VTI1B: variants seen among roughly 807,000 people sequenced by gnomAD.
VTI1B encodes the protein vesicle transport through interaction with t-SNAREs homolog 1B.
In VTI1B, 18 loss-of-function variants were observed where a neutral mutation model predicts 28.6. That is an observed-to-expected ratio of 0.63 (90% confidence interval 0.43 to 0.93). VTI1B has a LOEUF of 0.93. VTI1B is among the 40% of genes least tolerant of loss of function. The pLI is 0.00. For missense variants in VTI1B, 283 were observed against 297.0 expected, an observed-to-expected ratio of 0.95 and a Z score of 0.35; for synonymous variants, 100 against 107.9, an observed-to-expected ratio of 0.93 and a Z score of 0.46.
chr14:67,662,333 C>A, intron 2 of VTI1B, 144 bp downstream of exon 2: 1 of 718,568 alleles, frequency 1.4e-6, no homozygotes, highest in Non-Finnish European at 2.3e-6. Flanking sequence ...AACAACCATC[C>A]CCATCAACTG....
chr14:67,659,397 G>T (rs1251734582), intron 3 of VTI1B, among the ~76,000 whole-genome samples: 1 of 151,578 alleles, frequency 6.6e-6, no homozygotes, highest in Admixed American at 6.6e-5. Flanking sequence ...AAGGAGAAAA[G>T]AAATTAGATC....
Position 67,647,597 on chromosome 14 carries a change from G to C in VTI1B, c.*3788C>G, listed in dbSNP as rs2037117015. 1.3e-5 allele frequency: 2 copies of C among 155,942 alleles called. No individual in the cohort carries two copies. The highest frequency in any genetic ancestry group is 4.0e-4 in the South Asian group (2 of 4,974). 9.7% of individuals were successfully genotyped at this position (155,942 alleles called of 1,614,324 possible). On this transcript the variant is annotated 3_prime_UTR_variant, in exon 6 of 6. Transcript: ENST00000554659. ...TTAAAACTGCAGACCTAAAATTAGA[G>C]TTCACTTCAGCTGCTGTTACGTTCA... is the stretch of plus-strand genomic sequence containing the variant.
Position 67,667,596 on chromosome 14 carries a change from G to C in VTI1B, c.116-5061C>G, listed in dbSNP as rs147492789. ...ATAAATAGAAACCACCATTGTTTCT[G>C]AAAGTAAATACTTAGGAAGAACCTA... On this transcript the variant is annotated intron_variant, in intron 1 of 5. Transcript: ENST00000554659. 6.9e-3 allele frequency among the ~76,000 whole-genome samples: 1,055 copies of C among 152,318 alleles called. 10 individuals are homozygous for C. Among genetic ancestry groups the C allele is most frequent in the African/African-American group, 0.023 (962 of 41,556 alleles).
rs945964003 is a variant in VTI1B, at chr14:67,674,495, A to G, written c.-6T>C. ...GAGGCGGCGGAGGAGGCCATGGCGCAGGCCGCGCTGGAGCAGCGGCCACCG... is the reference window on the plus strand; with the variant it reads ...GAGGCGGCGGAGGAGGCCATGGCGCGGGCCGCGCTGGAGCAGCGGCCACCG... On this transcript the variant is annotated 5_prime_UTR_variant, in exon 1 of 6. Coordinates refer to ENST00000554659, the MANE Select transcript of VTI1B (RefSeq NM_006370.3). 7.5e-6 allele frequency: 12 copies of G among 1,596,316 alleles called. No individual in the cohort carries two copies. In the Admixed American group the frequency reaches 1.0e-4, roughly 14 times the overall value.
rs1043222256 is a variant in VTI1B, at chr14:67,647,832, T to C, written c.*3553A>G. On this transcript the variant is annotated 3_prime_UTR_variant, in exon 6 of 6. Coordinates refer to ENST00000554659, the MANE Select transcript of VTI1B (RefSeq NM_006370.3). ...GTCTGTCTGAGGTATGCAGAACAAA[T>C]GGCAGTATCATGAAGTGGTATGTAG... 9 of 563,104 alleles carry C rather than the reference T, an allele frequency of 1.6e-5. No individual in the cohort carries two copies. The highest frequency in any genetic ancestry group is 5.6e-5 in the African/African-American group (3 of 53,234). 34.9% of individuals were successfully genotyped at this position (563,104 alleles called of 1,614,324 possible). A position where few individuals can be genotyped will look rare whatever the true frequency, so the allele number is the denominator to read the frequency against.
At chr14:67,656,647 C>A (rs1566811904) in intron 3 of VTI1B, 58 bp from the exon 4 acceptor site, 1 of 1,525,040 alleles carries the variant, frequency 6.6e-7, no homozygotes, top group South Asian at 1.3e-5. Flanking sequence ...TCATTGCCAG[C>A]ATATTCCTCA....
rs564495908 is a variant in VTI1B, at chr14:67,674,515, C to T, written c.-26G>A. The T allele has an allele frequency of 3.7e-4, 578 of 1,573,486 alleles. 6 individuals are homozygous for T. In the South Asian group the frequency reaches 6.1e-3, roughly 17 times the overall value. On this transcript the variant is annotated 5_prime_UTR_variant, in exon 1 of 6. Transcript: ENST00000554659. ...GGCGCAGGCCGCGCTGGAGCAGCGG[C>T]CACCGAGATTCGGGGCCCTGGGCCC...
chr14:67,659,882 G>T lies in VTI1B; in HGVS notation c.215C>A (p.Ser72Tyr), dbSNP rs1412979531. ...MEEELRYAPL[S>Y]FRNPMMSKLR... ...CTTAGACATCATGGGGTTTCGGAAA[G>T]ACAGGGGTGCATAACGTAGCTCCTC... is the stretch of plus-strand genomic sequence containing the variant. Residue 72 changes from serine to tyrosine, a missense_variant, in exon 3 of 6, where the codon TCT becomes TAT. Physicochemically the swap from Ser to Tyr is moderately radical, Grantham distance 144. Coordinates refer to ENST00000554659, the MANE Select transcript of VTI1B (RefSeq NM_006370.3). 1.9e-6 allele frequency: 3 copies of T among 1,614,078 alleles called. No individual in the cohort carries two copies. The highest frequency in any genetic ancestry group is 2.7e-5 in the African/African-American group (2 of 74,928).
intron 5 of VTI1B, among the ~76,000 whole-genome samples, chr14:67,651,958 A>G (rs1384136484): frequency 2.0e-5 from 3 of 152,148 alleles, no homozygotes; most frequent in Non-Finnish European, 4.4e-5. Context: ...GGAGCTTAAA[A>G]ATTTTCCTAT....
chr14:67,659,882 G>C lies in VTI1B; in HGVS notation c.215C>G (p.Ser72Cys), dbSNP rs1412979531. 2 of 1,614,078 alleles carry C rather than the reference G, an allele frequency of 1.2e-6. No homozygotes were observed. Among genetic ancestry groups the C allele is most frequent in the African/African-American group, 1.3e-5 (1 of 74,928 alleles). ...CTTAGACATCATGGGGTTTCGGAAA[G>C]ACAGGGGTGCATAACGTAGCTCCTC... ...MEEELRYAPL[S>C]FRNPMMSKLR... The change falls in exon 3 of 6, where the codon TCT (serine) becomes TGT (cysteine). Residue 72 changes from serine (S) to cysteine (C), a missense_variant. Coordinates refer to ENST00000554659, the MANE Select transcript of VTI1B (RefSeq NM_006370.3).
chr14:67,661,913 T>C (rs2140828247), intron 2 of VTI1B, among the ~76,000 whole-genome samples: 1 of 151,988 alleles, frequency 6.6e-6, no homozygotes, highest in Non-Finnish European at 1.5e-5. Flanking sequence ...TCCCTGTACT[T>C]TGGGAGGCCG....
chr14:67,662,045 A>G (rs1645788729), intron 2 of VTI1B, among the ~76,000 whole-genome samples: 1 of 152,042 alleles, frequency 6.6e-6, no homozygotes, highest in African/African-American at 2.4e-5. Flanking sequence ...ATTCCCAGCT[A>G]CTTGGGAGGC....
chr14:67,659,973 T>C lies in VTI1B; in HGVS notation c.175-51A>G, dbSNP rs142914396. 1,446 of 1,555,390 alleles carry C rather than the reference T, an allele frequency of 9.3e-4. 18 individuals carry two copies. The African/African-American group carries it at 0.017, about 19-fold the overall frequency. On this transcript the variant is annotated intron_variant, in intron 2 of 5. Transcript: ENST00000554659. ...GATAGCCTGGTTCTTCCCTCACTCATTTGGAAATATGCCTAGTTTGGACTA... is the reference window on the plus strand; with the variant it reads ...GATAGCCTGGTTCTTCCCTCACTCACTTGGAAATATGCCTAGTTTGGACTA...
At chr14:67,667,588 T>C (rs1189974006) in intron 1 of VTI1B, among the ~76,000 whole-genome samples, 2 of 152,200 alleles carry the variant, frequency 1.3e-5, no homozygotes, top group East Asian at 1.9e-4. Context: ...GAAACCACCA[T>C]TGTTTCTGAA....
intron 3 of VTI1B, among the ~76,000 whole-genome samples, chr14:67,656,812 T>C (rs1203188548): frequency 2.0e-5 from 3 of 152,132 alleles, no homozygotes; most frequent in Non-Finnish European, 4.4e-5. Flanking sequence ...TCCACTGCCT[T>C]TTACACTTAC....
At position 67,648,345 on chromosome 14, in the gene VTI1B, A is replaced by AT. The variant is rs1314657211; in HGVS notation, c.*3039dup. On this transcript the variant is annotated 3_prime_UTR_variant, in exon 6 of 6. Coordinates refer to ENST00000554659, the MANE Select transcript of VTI1B (RefSeq NM_006370.3). ...ATATGGCCATGCTAATAAAAAGGAT[A>AT]TAGTCCTTTAGAGTCATGCTTGGAC... The AT allele has an allele frequency of 1.2e-5, 9 of 738,654 alleles. No homozygotes were observed. The African/African-American group carries it at 1.6e-4, about 13-fold the overall frequency. 45.8% of individuals were successfully genotyped at this position (738,654 alleles called of 1,614,324 possible).
At chr14:67,665,995 C>A (rs988422124) in intron 1 of VTI1B, among the ~76,000 whole-genome samples, 2 of 152,286 alleles carry the variant, frequency 1.3e-5, no homozygotes, top group Admixed American at 1.3e-4. Context: ...TGAAATAATA[C>A]CGACAGTCAA....
Position 67,650,958 on chromosome 14 carries a change from C to A in VTI1B, c.*427G>T. ...ACTGACATGTTTCACAACAGGCATTCCAGAATTATGAGGCATTGAGGGGAT... is the reference window on the plus strand; with the variant it reads ...ACTGACATGTTTCACAACAGGCATTACAGAATTATGAGGCATTGAGGGGAT... On this transcript the variant is annotated 3_prime_UTR_variant, in exon 6 of 6. Coordinates refer to ENST00000554659, the MANE Select transcript of VTI1B (RefSeq NM_006370.3). The A allele has an allele frequency of 6.3e-7, 1 of 1,589,148 alleles. No homozygotes were observed. The highest frequency in any genetic ancestry group is 8.6e-7 in the Non-Finnish European group (1 of 1,160,328).
chr14:67,647,883 A>G lies in VTI1B; in HGVS notation c.*3502T>C. Reference sequence around the variant, plus strand: ...GAAGTTAATATTGCCAATCTCAGTAACTTCCAAGAATAGGAAGCCTGGAAA... The same window carrying G: ...GAAGTTAATATTGCCAATCTCAGTAGCTTCCAAGAATAGGAAGCCTGGAAA... On this transcript the variant is annotated 3_prime_UTR_variant, in exon 6 of 6. Transcript: ENST00000554659. 1 of 694,236 alleles carries G rather than the reference A, an allele frequency of 1.4e-6. No homozygotes were observed. Among genetic ancestry groups the G allele is most frequent in the Non-Finnish European group, 2.3e-6 (1 of 426,164 alleles). The allele number at this position is 694,236 out of a possible 1,614,324, so 43.0% of individuals were successfully genotyped here.
Sources: gnomAD v4.1 joint callset for allele counts (sites outside exome capture counted in the v4.1 genomes callset) on GRCh38, gnomAD v4.1.1 for gene constraint, MANE v1.5 for transcripts, NCBI Gene and HGNC (gene_info 2026-07-23, HGNC 2026-07-21) for gene names.